LYPLAL1: variants seen among roughly 807,000 people sequenced by gnomAD.
LYPLAL1 encodes lysophospholipase like 1, also known as lysophospholipase-like protein 1.
In LYPLAL1, 23 loss-of-function variants were observed where a neutral mutation model predicts 19.7. That is an observed-to-expected ratio of 1.17 (90% CI 0.84 to 1.65). The LOEUF is 1.65. Ranked by LOEUF, LYPLAL1 falls within the 40% of genes most tolerant of loss-of-function variation. The probability of loss-of-function intolerance (pLI) is 0.00; values close to 1 mark genes in which losing one functional copy is unlikely to be tolerated. For missense variants in LYPLAL1, 355 were observed against 279.4 expected (o/e 1.27, Z -1.93); for synonymous variants, 119 against 96.3 (o/e 1.24, Z -1.38).
intron 3 of LYPLAL1, among the ~76,000 whole-genome samples, chr1:219,196,151 CT>C (rs1346259905): frequency 6.6e-6 from 1 of 152,050 alleles, no homozygotes; most frequent in Non-Finnish European, 1.5e-5. Flanking sequence ...GTGCATGTAT[CT>C]TTATAATAGA....
At chr1:219,417,836 T>A in the LYPLAL1 span, among the ~76,000 whole-genome samples, 14 of 152,262 alleles carry the variant, frequency 9.2e-5, no homozygotes, top group Non-Finnish European at 1.9e-4. Flanking sequence ...GTCATCCCTC[T>A]GGGCCTTGCC....
the LYPLAL1 span, among the ~76,000 whole-genome samples, chr1:219,436,088 G>A: frequency 6.6e-6 from 1 of 152,238 alleles, no homozygotes; most frequent in Non-Finnish European, 1.5e-5. Flanking sequence ...CCACACTCCA[G>A]TCACAGACTG....
chr1:219,430,106 C>A, the LYPLAL1 span, among the ~76,000 whole-genome samples: 1 of 152,004 alleles, frequency 6.6e-6, no homozygotes, highest in Admixed American at 6.6e-5. Context: ...CTAGCCTGGG[C>A]AACATGGTAA....
At chr1:219,369,032 T>C in the LYPLAL1 span, among the ~76,000 whole-genome samples, 2 of 152,238 alleles carry the variant, frequency 1.3e-5, no homozygotes, top group Non-Finnish European at 2.9e-5. Flanking sequence ...GGGGTGGGTA[T>C]ACAAATCTTC....
At chr1:219,240,795 TA>T in the LYPLAL1 span, among the ~76,000 whole-genome samples, 9 of 152,186 alleles carry the variant, frequency 5.9e-5, no homozygotes, top group Non-Finnish European at 1.0e-4. Flanking sequence ...AGAGACTGCC[TA>T]AATTTTCCAA....
the LYPLAL1 span, among the ~76,000 whole-genome samples, chr1:219,356,277 G>A: frequency 1.3e-5 from 2 of 152,014 alleles, no homozygotes; most frequent in Admixed American, 6.6e-5. Context: ...CGAGGTGGGC[G>A]GATCATGAGG....
chr1:219,174,309 GTCT>G (rs1455214439), intron 1 of LYPLAL1: 45 of 1,185,860 alleles, frequency 3.8e-5, no homozygotes, highest in Non-Finnish European at 4.4e-5. Context: ...AGTAAGGTAA[GTCT>G]TCTGCTAGAG....
chr1:219,360,739 G>T, the LYPLAL1 span, among the ~76,000 whole-genome samples: 3 of 152,076 alleles, frequency 2.0e-5, no homozygotes, highest in African/African-American at 7.2e-5. Flanking sequence ...AATAAAACCA[G>T]ACCCCTGGAC....
chr1:219,354,476 G>A, the LYPLAL1 span, among the ~76,000 whole-genome samples: 1 of 152,172 alleles, frequency 6.6e-6, no homozygotes, highest in Non-Finnish European at 1.5e-5. Context: ...GATTATTGGC[G>A]TGAGCCACCA....
chr1:219,419,584 C>CAGAGAGAG, the LYPLAL1 span, among the ~76,000 whole-genome samples: 73 of 129,078 alleles, frequency 5.7e-4, no homozygotes, highest in African/African-American at 2.2e-3. Context: ...CACACACACA[C>CAGAGAGAG]ACACACACAC....
the LYPLAL1 span, among the ~76,000 whole-genome samples, chr1:219,218,814 T>A: frequency 3.9e-5 from 6 of 152,286 alleles, no homozygotes; most frequent in African/African-American, 9.6e-5. Flanking sequence ...TAGCATTGAA[T>A]TAAGACAACC....
At chr1:219,438,623 T>C in the LYPLAL1 span, among the ~76,000 whole-genome samples, 1 of 152,212 alleles carries the variant, frequency 6.6e-6, no homozygotes, top group Non-Finnish European at 1.5e-5. Flanking sequence ...ACACAACAAT[T>C]ATAAACACAT....
the LYPLAL1 span, among the ~76,000 whole-genome samples, chr1:219,242,787 AT>A: frequency 1.3e-5 from 2 of 152,020 alleles, no homozygotes; most frequent in Non-Finnish European, 2.9e-5. Context: ...GATGATATTT[AT>A]AAGATATTTG....
chr1:219,208,202 C>A (rs183891734), intron 3 of LYPLAL1, among the ~76,000 whole-genome samples: 64 of 152,130 alleles, frequency 4.2e-4, no homozygotes, highest in Non-Finnish European at 8.1e-4. Context: ...GATAGGGATT[C>A]TTAAACTGAA....
At chr1:219,319,677 T>G in the LYPLAL1 span, among the ~76,000 whole-genome samples, 4 of 152,314 alleles carry the variant, frequency 2.6e-5, no homozygotes, top group East Asian at 7.7e-4. Flanking sequence ...GAATGGTGAA[T>G]TGGAGAAAGA....
At chr1:219,419,594 C>CACACACACACAGAGAGAGAGAG in the LYPLAL1 span, among the ~76,000 whole-genome samples, 11 of 99,596 alleles carry the variant, frequency 1.1e-4, no homozygotes, top group Non-Finnish European at 8.1e-5. Context: ...CACACACACA[C>CACACACACACAGAGAGAGAGAG]AGAGAGAGAG....
chr1:219,326,318 G>T, the LYPLAL1 span, among the ~76,000 whole-genome samples: 1 of 128,302 alleles, frequency 7.8e-6, no homozygotes, highest in Non-Finnish European at 1.8e-5. Context: ...GTTGGGGGGT[G>T]GGGGGGCATT....
chr1:219,412,935 A>C, the LYPLAL1 span, among the ~76,000 whole-genome samples: 2 of 152,238 alleles, frequency 1.3e-5, no homozygotes, highest in African/African-American at 2.4e-5. Flanking sequence ...TTTTTTTAAA[A>C]GGAACCCTAT....
At chr1:219,375,295 C>T in the LYPLAL1 span, among the ~76,000 whole-genome samples, 8 of 151,874 alleles carry the variant, frequency 5.3e-5, no homozygotes, top group South Asian at 2.1e-4. Context: ...GGAGAAACCC[C>T]GTCTCTACTA....
Sources: gnomAD v4.1 joint callset for allele counts (sites outside exome capture counted in the v4.1 genomes callset) on GRCh38, gnomAD v4.1.1 for gene constraint, MANE v1.5 for transcripts, NCBI Gene and HGNC (gene_info 2026-07-23, HGNC 2026-07-21) for gene names.